The following ERCC2 variants were observed in gnomAD, a reference collection of about 807,000 sequenced individuals.
The protein encoded by ERCC2 is general transcription and DNA repair factor IIH helicase subunit XPD.
In ERCC2, 90 loss-of-function variants were observed where a neutral mutation model predicts 99.4. That is an observed-to-expected ratio of 0.91 (90% confidence interval 0.76 to 1.08). The LOEUF (loss-of-function observed/expected upper bound fraction) is 1.08. Among genes scored for constraint, ERCC2 ranks in the 50% least tolerant of loss-of-function variants. The pLI is 0.00. For missense variants in ERCC2, 993 were observed against 1,038.1 expected (o/e 0.96, Z 0.60); for synonymous variants, 497 against 432.4 (o/e 1.15, Z -1.85).
At chr19:45,363,176 T>C (rs1186012887) in intron 11 of ERCC2, among the ~76,000 whole-genome samples, 2 of 152,174 alleles carry the variant, frequency 1.3e-5, no homozygotes. Context: ...CTGCCTGCCC[T>C]GTGCCTCAAG....
rs942868098 is a variant in ERCC2, at chr19:45,363,182, T to A, written c.1118+561A>T. On this transcript the variant is annotated intron_variant, in intron 11 of 22. Transcript: ENST00000391945. ...GGTCATTCTCTGCCTGCCCTGTGCCTCAAGAGACTGACTCCCCCAAAATGC... is the reference window on the plus strand; with the variant it reads ...GGTCATTCTCTGCCTGCCCTGTGCCACAAGAGACTGACTCCCCCAAAATGC... 3.9e-5 allele frequency among the ~76,000 whole-genome samples: 6 copies of A among 152,142 alleles called. No homozygotes were observed. In the East Asian group the frequency reaches 7.7e-4, roughly 20 times the overall value.
rs754446846 is a variant in ERCC2 at position 45,365,011 on chromosome 19, C to T, written c.477+31G>A. 31 of 1,609,382 alleles carry T rather than the reference C, an allele frequency of 1.9e-5. 2 individuals carry two copies. In the South Asian group the frequency reaches 3.3e-4, roughly 17 times the overall value. On this transcript the variant is annotated intron_variant, in intron 6 of 22. Coordinates refer to ENST00000391945, the MANE Select transcript of ERCC2 (RefSeq NM_000400.4). ...TGCCTGCCCCAGGCTACCTGTCCTG[C>T]CTCCCTCCCTCAGCCCTGCCCTCCA...
At chr19:45,352,855 T>A (rs1373205057) in intron 19 of ERCC2, 39 bp from the exon 20 acceptor site, 1 of 1,593,048 alleles carries the variant, frequency 6.3e-7, no homozygotes. Context: ...GGGTTACAAG[T>A]GTGGCTGGTG....
At chr19:45,352,124 G>GGTGGGGA (rs1159650345) in intron 22 of ERCC2, 85 bp downstream of exon 22, 11 of 1,451,814 alleles carry the variant, frequency 7.6e-6, no homozygotes, top group South Asian at 5.9e-5. Context: ...GCAGGCTGAG[G>GGTGGGGA]GTGGGGAGTG....
In ERCC2 at chr19:45,364,858, A is replaced by T. The variant is rs1972369876; in HGVS notation, c.574T>A (p.Tyr192Asn). ...CTCACTGAGTATCGAGCAAGGAAGT[A>T]TGGGCACCAGCCCTGGCGCCGCCCC... ...ALGRRQGWCP[Y>N]FLARYSILHA... Residue 192 changes from tyrosine to asparagine, a missense_variant, in exon 7 of 23, where the codon TAC becomes AAC. This residue lies in a region of ERCC2 where 909 missense variants were observed against 930.8 expected (regional missense o/e 0.98). Transcript: ENST00000391945. The T allele has an allele frequency of 6.2e-7, 1 of 1,613,232 alleles. No individual in the cohort carries two copies. The highest frequency in any genetic ancestry group is 8.5e-7 in the Non-Finnish European group (1 of 1,179,350).
At chr19:45,352,475 T>G in intron 21 of ERCC2, 31 bp downstream of exon 21, 1 of 1,614,084 alleles carries the variant, frequency 6.2e-7, no homozygotes, top group Non-Finnish European at 8.5e-7. Context: ...GAGCCTGGGA[T>G]GGGAGCACAG....
rs1329686104 is a variant in ERCC2, at chr19:45,352,585, G to T, written c.1967C>A (p.Ala656Asp). 8 of 1,613,936 alleles carry T rather than the reference G, an allele frequency of 5.0e-6. No individual in the cohort carries two copies. Among genetic ancestry groups the T allele is most frequent in the East Asian group, 2.2e-5 (1 of 44,882 alleles). ...CACACACTGGGCCGCGTGGCGCATG[G>T]CATCGAAGGTAAGAAAGTCATTCTC... ...IRENDFLTFD[A>D]MRHAAQCVGR... The change falls in exon 21 of 23, where the codon GCC (alanine) becomes GAC (aspartate). Residue 656 changes from alanine to aspartate, a missense_variant. Physicochemically the swap from Ala to Asp is moderately radical, Grantham distance 126. Around this residue, in one of 3 missense-constraint regions of ERCC2, gnomAD observed 909 missense variants for 930.8 expected, o/e 0.98. Transcript: ENST00000391945.
chr19:45,352,166 A>G (rs373872257), intron 22 of ERCC2, 43 bp downstream of exon 22: 3 of 1,608,226 alleles, frequency 1.9e-6, no homozygotes, highest in Admixed American at 1.7e-5. Context: ...CTGGAGGAGA[A>G]GCTCAGCCTG....
chr19:45,354,485 G>A (rs1599728567), intron 17 of ERCC2, among the ~76,000 whole-genome samples: 1 of 152,314 alleles, frequency 6.6e-6, no homozygotes, highest in South Asian at 2.1e-4. Flanking sequence ...GGGTGACTCT[G>A]CCACAGGGTA....
At chr19:45,351,987 A>G (rs1242753701) in intron 22 of ERCC2, among the ~76,000 whole-genome samples, 4 of 151,990 alleles carry the variant, frequency 2.6e-5, no homozygotes, top group Non-Finnish European at 4.4e-5. Flanking sequence ...CCTCACCCCA[A>G]CTTCTCTCAC....
chr19:45,364,720 G>C (rs1243797946), intron 7 of ERCC2, 118 bp downstream of exon 7: 26 of 1,240,630 alleles, frequency 2.1e-5, no homozygotes, highest in Non-Finnish European at 3.0e-5. Context: ...CCCACCAACA[G>C]GGAGATGCAG....
rs778172528 is a variant in ERCC2, at chr19:45,350,424, C to A, written c.*1205G>T. 2 of 1,613,772 alleles carry A rather than the reference C, an allele frequency of 1.2e-6. No homozygotes were observed. Among genetic ancestry groups the A allele is most frequent in the South Asian group, 1.1e-5 (1 of 91,038 alleles). On this transcript the variant is annotated 3_prime_UTR_variant, in exon 23 of 23. Transcript: ENST00000391945. ...TCCTCCACAAGGAGGACCTACCCGC[C>A]CCTCTCGGTGAGCCCCTAGCCCCTG...
At chr19:45,352,885 CGA>C in intron 19 of ERCC2, 69 bp from the exon 20 acceptor site, 1 of 1,476,978 alleles carries the variant, frequency 6.8e-7, no homozygotes, top group East Asian at 2.3e-5. Flanking sequence ...CAGCCTCACG[CGA>C]CCCAGGATGC....
chr19:45,352,589 CGAAGGTAA>C lies in ERCC2; in HGVS notation c.1955_1962del (p.Leu652ArgfsTer119), dbSNP rs1274403477. The C allele has an allele frequency of 6.2e-7, 1 of 1,614,038 alleles. No individual in the cohort carries two copies. Among genetic ancestry groups the C allele is most frequent in the South Asian group, 1.1e-5 (1 of 91,082 alleles). On this transcript the variant is annotated frameshift_variant, in exon 21 of 23. Coordinates refer to ENST00000391945, the MANE Select transcript of ERCC2 (RefSeq NM_000400.4). LOFTEE classifies it high-confidence loss of function. ...CACTGGGCCGCGTGGCGCATGGCAT[CGAAGGTAA>C]GAAAGTCATTCTCACGAATCTGGAA...
chr19:45,354,651 G>C, intron 17 of ERCC2, 79 bp downstream of exon 17: 1 of 1,574,900 alleles, frequency 6.3e-7, no homozygotes, highest in Non-Finnish European at 8.7e-7. Context: ...ATCAGAGTGT[G>C]AGAGGAATGA....
At chr19:45,358,758 AT>A (rs1223759174) in intron 12 of ERCC2, 109 of 754,706 alleles carry the variant, frequency 1.4e-4, no homozygotes, top group Non-Finnish European at 1.9e-4. Context: ...ACAACAATGT[AT>A]TTTTTTTCAT....
rs201875588 is a variant in ERCC2 at position 45,368,610 on chromosome 19, G to C, written c.360+20C>G. The C allele has an allele frequency of 3.3e-6, 5 of 1,515,276 alleles. No homozygotes were observed. In the South Asian group the frequency reaches 3.4e-5, roughly 10 times the overall value. The allele number at this position is 1,515,276 out of a possible 1,614,324, so 93.9% of individuals were successfully genotyped here. On this transcript the variant is annotated intron_variant, in intron 5 of 22. Transcript: ENST00000391945. ...TCTCTACCTCTGGGCTAAGGGCAAG[G>C]AGAAGGAACAGGTGCTCACCTCAGG...
chr19:45,351,734 G>C lies in ERCC2; in HGVS notation c.2191-13C>G, dbSNP rs1568530400. The C allele has an allele frequency of 6.2e-7, 1 of 1,613,052 alleles. No homozygotes were observed. Among genetic ancestry groups the C allele is most frequent in the African/African-American group, 1.3e-5 (1 of 74,912 alleles). ...CCAGCTGATCCTCCTGCAGAGAACA[G>C]AGGAAAGGGAGAGGGGGGCACTGTT... On this transcript the variant is annotated splice_polypyrimidine_tract_variant and intron_variant, in intron 22 of 22. Coordinates refer to ENST00000391945, the MANE Select transcript of ERCC2 (RefSeq NM_000400.4).
At position 45,354,174 on chromosome 19, in the gene ERCC2, A is replaced by G. The variant is rs527236515; in HGVS notation, c.1665+556T>C. ...GCCCGGCCATGGTGTGCTCAGAGGCACAAAGTGCAGAGTGGCCTCCCCTCC... is the reference window on the plus strand; with the variant it reads ...GCCCGGCCATGGTGTGCTCAGAGGCGCAAAGTGCAGAGTGGCCTCCCCTCC... On this transcript the variant is annotated intron_variant, in intron 17 of 22. Transcript: ENST00000391945. 4.6e-5 allele frequency among the ~76,000 whole-genome samples: 7 copies of G among 152,330 alleles called. No homozygotes were observed. In the South Asian group the frequency reaches 1.2e-3, roughly 27 times the overall value.
Sources: allele counts gnomAD v4.1 joint callset (sites outside exome capture counted in the v4.1 genomes callset), GRCh38; gene constraint gnomAD v4.1.1; regional missense constraint gnomAD v4.1.1; transcripts MANE v1.5; gene names NCBI Gene and HGNC (gene_info 2026-07-23, HGNC 2026-07-21).